The following EYS variants were observed in gnomAD, a reference collection of about 807,000 sequenced individuals.
EYS encodes EGF-like photoreceptor maintenance factor.
A neutral mutation model predicts 282.1 loss-of-function variants in EYS; 250 were observed. The observed-to-expected ratio is 0.89, with a 90% CI of 0.80 to 0.98. The LOEUF is 0.98. EYS is among the 50% of genes least tolerant of loss of function. EYS has a pLI of 0.00. For missense variants in EYS, 4,016 were observed against 3,709.0 expected, an observed-to-expected ratio of 1.08 and a Z score of -2.15; for synonymous variants, 1,355 against 1,282.9, an observed-to-expected ratio of 1.06 and a Z score of -1.20.
chr6:65,655,456 T>C (rs1368995430), intron 1 of EYS, among the ~76,000 whole-genome samples: 1 of 151,756 alleles, frequency 6.6e-6, no homozygotes, highest in Non-Finnish European at 1.5e-5. Context: ...TAAATATATG[T>C]TGATAGTGTA....
At chr6:64,245,900 T>G (rs967356949) in intron 30 of EYS, among the ~76,000 whole-genome samples, 4 of 151,526 alleles carry the variant, frequency 2.6e-5, no homozygotes, top group South Asian at 4.2e-4. Context: ...ACGCCTGTAG[T>G]CCCAGCTACA....
At chr6:64,610,610 G>T (rs1211222797) in intron 24 of EYS, among the ~76,000 whole-genome samples, 2 of 151,850 alleles carry the variant, frequency 1.3e-5, no homozygotes, top group Non-Finnish European at 2.9e-5. Context: ...CACCATGTTG[G>T]CCAGGCTGAT....
chr6:64,615,681 A>C (rs1019712291), intron 24 of EYS, among the ~76,000 whole-genome samples: 2 of 152,106 alleles, frequency 1.3e-5, no homozygotes, highest in Admixed American at 1.3e-4. Context: ...AGAATAACTA[A>C]TGCATTAGCA....
At position 64,559,271 on chromosome 6, in the gene EYS, ATGTG is replaced by A. The variant is rs4034160; in HGVS notation, c.5644+30948_5644+30951del. Among the ~76,000 whole-genome samples the A allele has an allele frequency of 5.4e-3, 766 of 142,264 alleles. 10 individuals carry two copies. The highest frequency in any genetic ancestry group is 0.034 in the East Asian group (163 of 4,772). 93.3% of individuals were successfully genotyped at this position (142,264 alleles called of 152,430 possible). A position where few individuals can be genotyped will look rare whatever the true frequency, so the allele number is the denominator to read the frequency against. On this transcript the variant is annotated intron_variant, in intron 26 of 42. Transcript: ENST00000503581. ...CTTCTTTGTATGTGTGTGTGTGTGC[ATGTG>A]TGTGTGTGTGTGTGTGTGTGTGTGT...
chr6:64,372,387 G>A (rs1183895833), intron 29 of EYS, among the ~76,000 whole-genome samples: 1 of 152,010 alleles, frequency 6.6e-6, no homozygotes, highest in Non-Finnish European at 1.5e-5. Flanking sequence ...CTGATTTGTA[G>A]GGTTTCTGCT....
chr6:64,623,218 A>G (rs1743182435), intron 23 of EYS, among the ~76,000 whole-genome samples: 1 of 152,188 alleles, frequency 6.6e-6, no homozygotes, highest in Non-Finnish European at 1.5e-5. Context: ...ACTATTAACT[A>G]TAGGCATGAT....
chr6:65,027,023 T>TG (rs1491492649), intron 13 of EYS, among the ~76,000 whole-genome samples: 2 of 68,430 alleles, frequency 2.9e-5, no homozygotes, highest in South Asian at 4.0e-4. Context: ...GTAATGTGTG[T>TG]TTTTTTTTTT....
chr6:65,220,762 G>A (rs1397023987), intron 12 of EYS, among the ~76,000 whole-genome samples: 1 of 152,160 alleles, frequency 6.6e-6, no homozygotes, highest in East Asian at 1.9e-4. Flanking sequence ...ACAGAAAGAT[G>A]TGGGAAGAGT....
chr6:64,182,144 G>T (rs1360086856), intron 31 of EYS, among the ~76,000 whole-genome samples: 1 of 151,968 alleles, frequency 6.6e-6, no homozygotes, highest in East Asian at 1.9e-4. Flanking sequence ...GTTTCTAATT[G>T]TATCTGTTTT....
intron 2 of EYS, among the ~76,000 whole-genome samples, chr6:65,637,517 C>T (rs1168449775): frequency 2.0e-5 from 3 of 152,114 alleles, no homozygotes; most frequent in Admixed American, 6.5e-5. Flanking sequence ...AGGCAGAAGC[C>T]CGTGCTCCCT....
chr6:64,297,977 C>CAAAAAAAAAAAAAAAAAAAAAAA (rs34562408), intron 30 of EYS, among the ~76,000 whole-genome samples: 5 of 96,448 alleles, frequency 5.2e-5, no homozygotes, highest in African/African-American at 1.9e-4. Flanking sequence ...GATTCTGTCT[C>CAAAAAAAAAAAAAAAAAAAAAAA]AAAAAAAAAA....
chr6:65,027,697 A>G lies in EYS; in HGVS notation c.2137+29917T>C, dbSNP rs182048836. Among the ~76,000 whole-genome samples the G allele has an allele frequency of 1.6e-3, 245 of 152,296 alleles. 1 individual carries two copies. Among genetic ancestry groups the G allele is most frequent in the Non-Finnish European group, 2.7e-3 (183 of 68,022 alleles). ...TGTATGGCTTCTTTCACGTAAGAAA[A>G]TGCACTTAAGACTTATCAGTATTGT... On this transcript the variant is annotated intron_variant, in intron 13 of 42. Coordinates refer to ENST00000503581, the MANE Select transcript of EYS (RefSeq NM_001142800.2).
At chr6:65,261,999 T>G (rs918480927) in intron 12 of EYS, among the ~76,000 whole-genome samples, 56 of 152,072 alleles carry the variant, frequency 3.7e-4, no homozygotes, top group African/African-American at 1.3e-3. Context: ...CAATCAAATC[T>G]TCCCTCCTTA....
At chr6:65,291,495 T>C (rs1768524743) in intron 12 of EYS, among the ~76,000 whole-genome samples, 1 of 151,522 alleles carries the variant, frequency 6.6e-6, no homozygotes, top group East Asian at 1.9e-4. Context: ...ATATTTATCT[T>C]ATTGATATAC....
intron 2 of EYS, among the ~76,000 whole-genome samples, chr6:65,623,365 T>C (rs939893408): frequency 2.0e-5 from 3 of 152,228 alleles, no homozygotes; most frequent in African/African-American, 7.2e-5. Flanking sequence ...AAACTGCTTA[T>C]ATAAAATGAA....
At chr6:65,528,710 A>C (rs188329053) in intron 2 of EYS, among the ~76,000 whole-genome samples, 1 of 152,306 alleles carries the variant, frequency 6.6e-6, no homozygotes. Context: ...CTATTCTGTT[A>C]TAGCAGCACA....
chr6:63,734,171 A>G (rs1205811350), intron 41 of EYS, among the ~76,000 whole-genome samples: 1 of 152,126 alleles, frequency 6.6e-6, no homozygotes, highest in Admixed American at 6.6e-5. Context: ...ATTGAGTACT[A>G]TGCTCACTAC....
intron 22 of EYS, among the ~76,000 whole-genome samples, chr6:64,773,680 A>G (rs1484350664): frequency 6.6e-6 from 1 of 151,952 alleles, no homozygotes; most frequent in African/African-American, 2.4e-5. Context: ...GACTGTTGTG[A>G]GATGGTATCT....
chr6:64,017,718 T>C (rs1468686645), intron 33 of EYS, among the ~76,000 whole-genome samples: 1 of 152,244 alleles, frequency 6.6e-6, no homozygotes, highest in Non-Finnish European at 1.5e-5. Flanking sequence ...CTGCTCTCCC[T>C]GTGTGAAAGG....
Sources: gnomAD v4.1 joint callset for allele counts (sites outside exome capture counted in the v4.1 genomes callset) on GRCh38, gnomAD v4.1.1 for gene constraint, MANE v1.5 for transcripts, NCBI Gene and HGNC (gene_info 2026-07-23, HGNC 2026-07-21) for gene names.